The following METTL15 variants were observed in gnomAD, a reference collection of about 807,000 sequenced individuals.
METTL15 encodes methyltransferase 15, mitochondrial 12S rRNA N4-cytidine.
Under a neutral mutation model 38.3 loss-of-function variants are expected in METTL15, and 34 were observed. The ratio of observed to expected loss-of-function variants is 0.89; its 90% confidence interval spans 0.68 to 1.18. The LOEUF (loss-of-function observed/expected upper bound fraction) is 1.18, where lower values mean the gene tolerates loss of function less well. Among genes scored for constraint, METTL15 ranks in the 50% most tolerant of loss-of-function variants. The pLI is 0.00. For missense variants in METTL15, 438 were observed against 498.4 expected, an observed-to-expected ratio of 0.88 and a Z score of 1.15; for synonymous variants, 162 against 170.9, an observed-to-expected ratio of 0.95 and a Z score of 0.41.
At chr11:28,466,223 G>C (rs1851255723) in intron 6 of METTL15, among the ~76,000 whole-genome samples, 1 of 152,202 alleles carries the variant, frequency 6.6e-6, no homozygotes, top group Non-Finnish European at 1.5e-5. Context: ...ATCTGGCATG[G>C]GAGTTTCTGC....
downstream of METTL15, among the ~76,000 whole-genome samples, chr11:28,337,540 G>A (rs1419059181): frequency 6.6e-6 from 1 of 152,050 alleles, no homozygotes; most frequent in East Asian, 1.9e-4. Context: ...TATATATTTA[G>A]TGTAACCTAA....
chr11:28,161,759 A>T (rs1360453436), intron 3 of METTL15, among the ~76,000 whole-genome samples: 1 of 152,102 alleles, frequency 6.6e-6, no homozygotes, highest in Non-Finnish European at 1.5e-5. Flanking sequence ...GATGAGTGAT[A>T]ATTTTGGGAT....
rs1590812410 is a variant in METTL15 at position 28,148,054 on chromosome 11, A to G, written c.270+34450A>G. ...ATCCAACCTCATTTTATTCATGTATATTTTGCTCATAGATTGGCCAGAACC... is the reference window on the plus strand; with the variant it reads ...ATCCAACCTCATTTTATTCATGTATGTTTTGCTCATAGATTGGCCAGAACC... On this transcript the variant is annotated intron_variant, in intron 3 of 6. Transcript: ENST00000407364. 2.0e-5 allele frequency among the ~76,000 whole-genome samples: 3 copies of G among 151,898 alleles called. No individual in the cohort carries two copies. In the Middle Eastern group the frequency reaches 0.01, roughly 517 times the overall value.
At chr11:28,233,247 A>G (rs1439890462) in intron 4 of METTL15, among the ~76,000 whole-genome samples, 7 of 152,124 alleles carry the variant, frequency 4.6e-5, no homozygotes, top group Non-Finnish European at 1.0e-4. Flanking sequence ...ACTGCTTAAT[A>G]ACATAGATAA....
At chr11:28,516,281 G>A (rs560914722) in intron 6 of METTL15, among the ~76,000 whole-genome samples, 1 of 152,252 alleles carries the variant, frequency 6.6e-6, no homozygotes, top group Non-Finnish European at 1.5e-5. Flanking sequence ...GGGTGGTGGG[G>A]GGATTGCAGA....
chr11:28,272,100 A>G (rs200297205), intron 4 of METTL15, among the ~76,000 whole-genome samples: 1 of 152,296 alleles, frequency 6.6e-6, no homozygotes, highest in East Asian at 1.9e-4. Flanking sequence ...AAAAATAGGA[A>G]CGCTCTTACA....
rs528767604 is a variant in METTL15, at chr11:28,406,093, C to G, written c.*359-18206C>G. Among the ~76,000 whole-genome samples the G allele has an allele frequency of 2.6e-5, 4 of 152,112 alleles. No homozygotes were observed. In the South Asian group the frequency reaches 8.3e-4, roughly 32 times the overall value. ...CAGGATTGTCTTGGCTATCTGGGCTCTTTTTTGGTCCATATGAATTTTAAA... is the reference window on the plus strand; with the variant it reads ...CAGGATTGTCTTGGCTATCTGGGCTGTTTTTTGGTCCATATGAATTTTAAA... On this transcript the variant is annotated intron_variant and NMD_transcript_variant, in intron 5 of 7. Transcript: ENST00000532947.
At chr11:28,513,566 AAT>A (rs1398163270) in intron 6 of METTL15, among the ~76,000 whole-genome samples, 7 of 152,168 alleles carry the variant, frequency 4.6e-5, no homozygotes, top group African/African-American at 1.4e-4. Context: ...CACACACAGA[AAT>A]ATAGAGGTGT....
chr11:28,200,673 T>C (rs1852078201), intron 3 of METTL15, among the ~76,000 whole-genome samples: 1 of 152,158 alleles, frequency 6.6e-6, no homozygotes, highest in Non-Finnish European at 1.5e-5. Context: ...TTGTAGTGAC[T>C]GTGAATGGGA....
chr11:28,299,777 C>T (rs189685586), intron 6 of METTL15, among the ~76,000 whole-genome samples: 2 of 152,204 alleles, frequency 1.3e-5, no homozygotes, highest in East Asian at 3.9e-4. Flanking sequence ...TATTATTTTA[C>T]AGTTTTGGAG....
chr11:28,394,085 G>T (rs796139436), intron 5 of METTL15, among the ~76,000 whole-genome samples: 5 of 152,180 alleles, frequency 3.3e-5, no homozygotes, highest in African/African-American at 1.2e-4. Flanking sequence ...TGTAAGTAGG[G>T]TTGGTGCCTT....
intron 3 of METTL15, among the ~76,000 whole-genome samples, chr11:28,147,131 T>C (rs1221332146): frequency 4.0e-5 from 6 of 151,872 alleles, no homozygotes; most frequent in Non-Finnish European, 7.4e-5. Flanking sequence ...AAATACCTGA[T>C]AGGTTTCAGG....
intron 6 of METTL15, among the ~76,000 whole-genome samples, chr11:28,475,474 T>G (rs1328033767): frequency 1.3e-5 from 2 of 152,134 alleles, no homozygotes; most frequent in Non-Finnish European, 2.9e-5. Flanking sequence ...AACTAGAAAA[T>G]GATTTGTCTG....
chr11:28,475,247 G>A (rs1851336070), intron 6 of METTL15, among the ~76,000 whole-genome samples: 1 of 152,212 alleles, frequency 6.6e-6, no homozygotes, highest in Non-Finnish European at 1.5e-5. Context: ...TCACAGCCAA[G>A]CTTCATGTTG....
chr11:28,316,707 A>G (rs1164736371), intron 6 of METTL15, among the ~76,000 whole-genome samples: 2 of 152,198 alleles, frequency 1.3e-5, no homozygotes, highest in African/African-American at 4.8e-5. Flanking sequence ...GACCTGGTGG[A>G]AGATGACTGA....
chr11:28,316,128 G>T (rs898393409), intron 6 of METTL15, among the ~76,000 whole-genome samples: 12 of 152,182 alleles, frequency 7.9e-5, no homozygotes, highest in Non-Finnish European at 1.5e-5. Context: ...CCAACAGCTT[G>T]CATCATGCAC....
chr11:28,152,446 C>T (rs1231175886), intron 3 of METTL15, among the ~76,000 whole-genome samples: 1 of 151,596 alleles, frequency 6.6e-6, no homozygotes, highest in African/African-American at 2.4e-5. Context: ...TTAGTGATAG[C>T]CATATGATGG....
At chr11:28,379,331 A>T (rs939883963) in intron 5 of METTL15, among the ~76,000 whole-genome samples, 1 of 152,024 alleles carries the variant, frequency 6.6e-6, no homozygotes, top group Non-Finnish European at 1.5e-5. Context: ...TGCTTTTTTG[A>T]TATAGGTGTT....
At chr11:28,154,281 T>A (rs1294281956) in intron 3 of METTL15, among the ~76,000 whole-genome samples, 5 of 152,068 alleles carry the variant, frequency 3.3e-5, no homozygotes, top group African/African-American at 1.2e-4. Flanking sequence ...GATTTCCCAT[T>A]TTTTTTGTTT....
Sources: gnomAD v4.1 joint callset for allele counts (sites outside exome capture counted in the v4.1 genomes callset) on GRCh38, gnomAD v4.1.1 for gene constraint, MANE v1.5 for transcripts, NCBI Gene and HGNC (gene_info 2026-07-23, HGNC 2026-07-21) for gene names.